PUM1: variants seen among roughly 807,000 people sequenced by gnomAD.
PUM1 encodes pumilio RNA binding family member 1, also known as pumilio homolog 1.
Under a neutral mutation model 131.8 loss-of-function variants are expected in PUM1, and 13 were observed. The ratio of observed to expected loss-of-function variants is 0.10; its 90% CI spans 0.06 to 0.16. The LOEUF is 0.16. Ranked by LOEUF, PUM1 falls within the 10% of genes least tolerant of loss-of-function variation. The probability of loss-of-function intolerance (pLI) is 1.00; values close to 1 mark genes in which losing one functional copy is unlikely to be tolerated. For missense variants in PUM1, 961 were observed against 1,512.4 expected (o/e 0.64, Z 6.05); for synonymous variants, 509 against 556.5 (o/e 0.91, Z 1.20).
chr1:31,002,089 T>G (rs1359428931), intron 5 of PUM1, among the ~76,000 whole-genome samples: 1 of 152,222 alleles, frequency 6.6e-6, no homozygotes. Flanking sequence ...AATTAGACTT[T>G]GTTGAGTTTT....
chr1:30,968,218 G>T, intron 11 of PUM1, 136 bp downstream of exon 11: 1 of 1,149,512 alleles, frequency 8.7e-7, no homozygotes, highest in Non-Finnish European at 1.3e-6. Flanking sequence ...GAGGGCAAGT[G>T]TGTATCATCC....
At chr1:31,038,289 A>AG (rs1236043616) in intron 2 of PUM1, among the ~76,000 whole-genome samples, 1 of 151,916 alleles carries the variant, frequency 6.6e-6, no homozygotes, top group African/African-American at 2.4e-5. Flanking sequence ...CCATGAACTG[A>AG]GGGGGTAGAA....
intron 2 of PUM1, among the ~76,000 whole-genome samples, chr1:31,034,248 G>A (rs1222401571): frequency 6.6e-6 from 1 of 152,184 alleles, no homozygotes; most frequent in Non-Finnish European, 1.5e-5. Context: ...CTTTACTGGA[G>A]CCGATTTGAC....
intron 5 of PUM1, 48 bp from the exon 6 acceptor site, chr1:30,995,268 T>A: frequency 2.5e-6 from 4 of 1,603,978 alleles, no homozygotes; most frequent in Non-Finnish European, 3.4e-6. Context: ...CAACTAATAA[T>A]AACGGGCAAC....
At chr1:31,034,468 C>T (rs1030584218) in intron 2 of PUM1, among the ~76,000 whole-genome samples, 2 of 152,090 alleles carry the variant, frequency 1.3e-5, no homozygotes, top group African/African-American at 2.4e-5. Flanking sequence ...GGTGAAATCC[C>T]GTCTCTACCA....
In PUM1 at chr1:31,023,949, A is replaced by G. The variant is rs1028261882; in HGVS notation, c.432+4847T>C. On this transcript the variant is annotated intron_variant, in intron 3 of 21. Transcript: ENST00000426105. Reference sequence around the variant, plus strand: ...CAAAAAAAAAAAAAAAAAAACCCCAATGAAAAGTTACAAAATCTCTAAATC... The same window carrying G: ...CAAAAAAAAAAAAAAAAAAACCCCAGTGAAAAGTTACAAAATCTCTAAATC... Among the ~76,000 whole-genome samples the G allele has an allele frequency of 4.6e-4, 70 of 151,010 alleles. 5 individuals carry two copies. Among genetic ancestry groups the G allele is most frequent in the Non-Finnish European group, 3.0e-5 (2 of 67,786 alleles).
chr1:30,998,580 G>C (rs1400717073), intron 5 of PUM1, among the ~76,000 whole-genome samples: 1 of 152,230 alleles, frequency 6.6e-6, no homozygotes, highest in Non-Finnish European at 1.5e-5. Flanking sequence ...GGGGTTCAAA[G>C]CTGCAGTGAG....
intron 5 of PUM1, among the ~76,000 whole-genome samples, chr1:31,000,845 T>A (rs534461160): frequency 6.6e-6 from 1 of 152,232 alleles, no homozygotes; most frequent in African/African-American, 2.4e-5. Context: ...TCCTTTGAAG[T>A]ACAACAATGT....
chr1:30,951,874 G>C (rs995024439), intron 16 of PUM1, among the ~76,000 whole-genome samples: 5 of 152,138 alleles, frequency 3.3e-5, no homozygotes, highest in African/African-American at 1.2e-4. Context: ...ATTTGTTTTT[G>C]GCAATATTTT....
intron 17 of PUM1, chr1:30,949,300 C>A (rs1220869240): frequency 2.6e-5 from 9 of 342,294 alleles, no homozygotes; most frequent in African/African-American, 4.9e-5. Context: ...GGAGGCACTG[C>A]CCAGCACAAA....
At chr1:31,005,736 A>C in intron 5 of PUM1, 117 bp downstream of exon 5, 1 of 965,996 alleles carries the variant, frequency 1.0e-6, no homozygotes, top group Non-Finnish European at 1.5e-6. Context: ...CCCTGTAATT[A>C]ATGCTGTGAA....
rs111289458 is a variant in PUM1 at position 30,946,338 on chromosome 1, T to TAA, written c.2857-857_2857-856dup. ...AATTATTTATCACAGAGCCTATAATTAAAAAAAAAAAAATCATAGGCCAGG... is the reference window on the plus strand; with the variant it reads ...AATTATTTATCACAGAGCCTATAATTAAAAAAAAAAAAAAATCATAGGCCAGG... On this transcript the variant is annotated intron_variant, in intron 17 of 21. Transcript: ENST00000426105. 3.2e-3 allele frequency among the ~76,000 whole-genome samples: 462 copies of TAA among 145,324 alleles called. 1 individual carries two copies. The highest frequency in any genetic ancestry group is 0.01 in the African/African-American group (411 of 39,604).
intron 14 of PUM1, among the ~76,000 whole-genome samples, chr1:30,959,515 A>G (rs988319238): frequency 1.3e-5 from 2 of 152,226 alleles, no homozygotes; most frequent in African/African-American, 4.8e-5. Flanking sequence ...GTTAAGATGT[A>G]TATCTGGAAT....
At chr1:31,028,429 G>A (rs1643299466) in intron 3 of PUM1, among the ~76,000 whole-genome samples, 1 of 125,336 alleles carries the variant, frequency 8.0e-6, no homozygotes, top group African/African-American at 3.1e-5. Flanking sequence ...CGGGGGGGGT[G>A]GGTTGGGGGA....
At chr1:31,040,879 G>A (rs758357875) in intron 2 of PUM1, among the ~76,000 whole-genome samples, 1 of 152,182 alleles carries the variant, frequency 6.6e-6, no homozygotes, top group African/African-American at 2.4e-5. Flanking sequence ...ACACACACGA[G>A]TGCGTGAGCA....
intron 2 of PUM1, among the ~76,000 whole-genome samples, chr1:31,044,908 C>A (rs561141279): frequency 6.6e-6 from 1 of 152,210 alleles, no homozygotes; most frequent in East Asian, 1.9e-4. Flanking sequence ...CTCCCGGATT[C>A]AAACAACTCT....
intron 12 of PUM1, 192 bp downstream of exon 12, chr1:30,966,975 A>C (rs892814274): frequency 3.7e-5 from 21 of 573,848 alleles, no homozygotes; most frequent in Middle Eastern, 5.4e-4. Context: ...CCCTCCCCCA[A>C]CCCACCAACC....
chr1:31,030,945 G>A (rs1420665753), intron 2 of PUM1, among the ~76,000 whole-genome samples: 1 of 152,194 alleles, frequency 6.6e-6, no homozygotes, highest in Non-Finnish European at 1.5e-5. Context: ...CTCAAAGTAA[G>A]AGTAAAGTTC....
chr1:31,065,421 T>A (rs763131803), intron 1 of PUM1, among the ~76,000 whole-genome samples, 195 bp downstream of exon 1: 1 of 150,238 alleles, frequency 6.7e-6, no homozygotes, highest in Admixed American at 6.6e-5. Context: ...CCTCCTTTGA[T>A]AACAATAGGG....
Sources: allele counts gnomAD v4.1 joint callset (sites outside exome capture counted in the v4.1 genomes callset), GRCh38; gene constraint gnomAD v4.1.1; transcripts MANE v1.5; gene names NCBI Gene and HGNC (gene_info 2026-07-23, HGNC 2026-07-21).